TJAP1: variants seen among roughly 807,000 people sequenced by gnomAD.
TJAP1 encodes tight junction associated protein 1.
In TJAP1, 27 loss-of-function variants were observed where a neutral mutation model predicts 42.0. That is an observed-to-expected ratio of 0.64 (90% CI 0.47 to 0.89). TJAP1 has a LOEUF of 0.89. TJAP1 is among the 40% of genes least tolerant of loss of function. The pLI is 0.00. For synonymous variants in TJAP1, 257 were observed against 288.4 expected (o/e 0.89, Z 1.10); for missense variants, 712 against 726.9 (o/e 0.98, Z 0.24).
chr6:43,494,548 A>T (rs1321286724), intron 2 of TJAP1, among the ~76,000 whole-genome samples: 1 of 120,392 alleles, frequency 8.3e-6, no homozygotes, highest in Non-Finnish European at 1.6e-5. Flanking sequence ...CCAGCACGTT[A>T]TCTGGTAGTC....
chr6:43,479,649 C>T (rs1486987266), intron 2 of TJAP1, among the ~76,000 whole-genome samples: 3 of 151,982 alleles, frequency 2.0e-5, no homozygotes, highest in Non-Finnish European at 2.9e-5. Flanking sequence ...GCCTGGGCAG[C>T]GTAGGAGATG....
At chr6:43,503,166 T>C in intron 8 of TJAP1, 1 of 563,428 alleles carries the variant, frequency 1.8e-6, no homozygotes, top group Non-Finnish European at 3.2e-6. Context: ...ATACTGCCTG[T>C]GTCCTGGGCC....
At chr6:43,484,976 C>T (rs1300955919) in intron 2 of TJAP1, among the ~76,000 whole-genome samples, 3 of 152,208 alleles carry the variant, frequency 2.0e-5, no homozygotes, top group Non-Finnish European at 1.5e-5. Context: ...GATCCACCCA[C>T]CTGGGCCTCC....
At chr6:43,503,302 G>C in intron 8 of TJAP1, 99 bp from the exon 9 acceptor site, 1 of 876,066 alleles carries the variant, frequency 1.1e-6, no homozygotes, top group Non-Finnish European at 1.9e-6. Flanking sequence ...GGCTGCCCTA[G>C]CACCTGTGGC....
At chr6:43,501,323 C>T (rs1048465528) in intron 5 of TJAP1, 9 of 577,822 alleles carry the variant, frequency 1.6e-5, no homozygotes, top group African/African-American at 1.5e-4. Context: ...CCTCCCCTGA[C>T]CCTCCAACCC....
intron 2 of TJAP1, among the ~76,000 whole-genome samples, chr6:43,494,954 G>C (rs947434282): frequency 2.0e-5 from 3 of 152,244 alleles, no homozygotes; most frequent in Admixed American, 2.0e-4. Flanking sequence ...CCAGAGGCCA[G>C]GAGGCCCCAG....
At chr6:43,483,607 G>A (rs1785785593) in intron 2 of TJAP1, among the ~76,000 whole-genome samples, 1 of 152,196 alleles carries the variant, frequency 6.6e-6, no homozygotes, top group Non-Finnish European at 1.5e-5. Context: ...CAGAACATGT[G>A]GTGGAGAGGA....
chr6:43,483,469 C>T (rs955329199), intron 2 of TJAP1, among the ~76,000 whole-genome samples: 1 of 152,228 alleles, frequency 6.6e-6, no homozygotes, highest in African/African-American at 2.4e-5. Flanking sequence ...CTTTTCTTTC[C>T]TCCTCTTGGT....
At chr6:43,500,684 T>C in intron 4 of TJAP1, 60 bp from the exon 5 acceptor site, 1 of 1,608,328 alleles carries the variant, frequency 6.2e-7, no homozygotes, top group East Asian at 2.2e-5. Context: ...ATTTGGAGGG[T>C]GAGCCAGCCG....
chr6:43,482,231 G>T (rs988252833), intron 2 of TJAP1, among the ~76,000 whole-genome samples: 1 of 152,164 alleles, frequency 6.6e-6, no homozygotes, highest in African/African-American at 2.4e-5. Context: ...AAACTATGGA[G>T]TTGCAAGGTG....
At chr6:43,480,888 G>T (rs1357994571) in intron 2 of TJAP1, among the ~76,000 whole-genome samples, 3 of 152,168 alleles carry the variant, frequency 2.0e-5, no homozygotes, top group African/African-American at 7.2e-5. Flanking sequence ...GAAAATGGAG[G>T]CAGAGTGGTT....
At position 43,484,098 on chromosome 6, in the gene TJAP1, A is replaced by C. The variant is rs956505173; in HGVS notation, c.-122+5866A>C. On this transcript the variant is annotated intron_variant, in intron 2 of 10. Transcript: ENST00000372449. Reference sequence around the variant, plus strand: ...AATTAAAAACAAAAAAAAAAATAAAATATGGGTGACATCTTTTTTGCAGGA... The same window carrying C: ...AATTAAAAACAAAAAAAAAAATAAACTATGGGTGACATCTTTTTTGCAGGA... Among the ~76,000 whole-genome samples the C allele has an allele frequency of 3.9e-5, 6 of 152,132 alleles. No homozygotes were observed. The East Asian group carries it at 1.2e-3, about 29-fold the overall frequency.
chr6:43,487,717 A>G (rs1275200740), intron 2 of TJAP1, among the ~76,000 whole-genome samples: 6 of 152,116 alleles, frequency 3.9e-5, no homozygotes, highest in Admixed American at 1.3e-4. Context: ...CACCATAAAC[A>G]TACATCCCTT....
chr6:43,490,169 C>A (rs77781883), intron 2 of TJAP1, among the ~76,000 whole-genome samples: 2 of 152,212 alleles, frequency 1.3e-5, no homozygotes, highest in African/African-American at 4.8e-5. Context: ...CTTACTACTG[C>A]GTCCCTCTAT....
chr6:43,484,553 T>C (rs778183964), intron 2 of TJAP1, among the ~76,000 whole-genome samples: 22 of 152,232 alleles, frequency 1.4e-4, no homozygotes, highest in Non-Finnish European at 3.1e-4. Context: ...GAAAAGGCTT[T>C]GTTCTATTAA....
chr6:43,483,031 A>G (rs556693483), intron 2 of TJAP1, among the ~76,000 whole-genome samples: 1 of 152,208 alleles, frequency 6.6e-6, no homozygotes, highest in Admixed American at 6.5e-5. Flanking sequence ...TTGAGGCAGG[A>G]GAATCACTTG....
In TJAP1 at chr6:43,505,643, C is replaced by T; in HGVS notation, c.1462C>T (p.Leu488=). 1 of 1,613,422 alleles carries T rather than the reference C, an allele frequency of 6.2e-7. No individual in the cohort carries two copies. The highest frequency in any genetic ancestry group is 8.5e-7 in the Non-Finnish European group (1 of 1,179,984). The change falls in exon 11 of 11, where the codon CTG becomes TTG. Residue 488 remains leucine (L), a synonymous_variant. Transcript: ENST00000372449. The surrounding 1 kb of genome is among the most constrained non-coding windows in gnomAD (Gnocchi z 5.5). ...TCCCAGGGAGGAAGAAGAGCTGAAC[C>T]TGCCTATCAGTCCTGAGGAAGAGCG...
At chr6:43,502,390 A>C in intron 7 of TJAP1, 41 bp downstream of exon 7, 2 of 1,604,542 alleles carry the variant, frequency 1.2e-6, no homozygotes, top group Non-Finnish European at 1.7e-6. Flanking sequence ...CACTGTGCTC[A>C]TAGCATAGCA....
chr6:43,502,569 T>A lies in TJAP1; in HGVS notation c.358-19T>A. ...CTCCCCCTCATGCTGCCACCGTTGC[T>A]GCTGCACTCTCCTCTCAGGCCTCTC... On this transcript the variant is annotated intron_variant, in intron 7 of 10. Coordinates refer to ENST00000372449, the Ensembl canonical transcript of TJAP1. 6.4e-7 allele frequency: 1 copy of A among 1,551,762 alleles called. No individual in the cohort carries two copies. Among genetic ancestry groups the A allele is most frequent in the Non-Finnish European group, 8.7e-7 (1 of 1,147,014 alleles).
Sources: allele counts gnomAD v4.1 joint callset (sites outside exome capture counted in the v4.1 genomes callset), GRCh38; gene constraint gnomAD v4.1.1; non-coding constraint Gnocchi (gnomAD v3.1); transcripts MANE v1.5; gene names NCBI Gene and HGNC (gene_info 2026-07-23, HGNC 2026-07-21).